LMAN1L: variants seen among roughly 807,000 people sequenced by gnomAD.
LMAN1L encodes the protein protein ERGIC-53-like.
Under a neutral mutation model 58.3 loss-of-function variants are expected in LMAN1L, and 60 were observed. That is an observed-to-expected ratio of 1.03 (90% CI 0.84 to 1.27). LMAN1L has a LOEUF of 1.27. LMAN1L is among the 50% of genes most tolerant of loss of function. LMAN1L has a pLI of 0.00. For synonymous variants in LMAN1L, 280 were observed against 271.6 expected, an observed-to-expected ratio of 1.03 and a Z score of -0.31; for missense variants, 629 against 674.0, an observed-to-expected ratio of 0.93 and a Z score of 0.74.
chr15:74,818,269 T>C (rs2063901192), intron 4 of LMAN1L, among the ~76,000 whole-genome samples: 3 of 152,118 alleles, frequency 2.0e-5, no homozygotes, highest in Admixed American at 2.0e-4. Context: ...AGACTCAAGC[T>C]AGACAAGGTA....
intron 11 of LMAN1L, among the ~76,000 whole-genome samples, chr15:74,822,937 A>G (rs1379691658): frequency 6.6e-6 from 1 of 152,228 alleles, no homozygotes; most frequent in Admixed American, 6.5e-5. Context: ...GAAGCCCATC[A>G]TGAAGGCCCC....
At chr15:74,814,239 G>T (rs2063879038) in intron 1 of LMAN1L, among the ~76,000 whole-genome samples, 1 of 151,546 alleles carries the variant, frequency 6.6e-6, no homozygotes, top group African/African-American at 2.4e-5. Flanking sequence ...TGTTGCCCAG[G>T]CTGGAGTGCA....
chr15:74,818,718 G>T lies in LMAN1L; in HGVS notation c.498G>T (p.Gly166=). 1 of 1,605,294 alleles carries T rather than the reference G, an allele frequency of 6.2e-7. No individual in the cohort carries two copies. The highest frequency in any genetic ancestry group is 8.5e-7 in the Non-Finnish European group (1 of 1,176,230). The part of the protein sequence containing the change: ...SDGHIPSEQP[G]DGASQGLGSC... ...AAACAAATGAACAAACTGCCCACAG[G>T]GATGGAGCTAGCCAAGGGCTGGGCT... The change falls in exon 5 of 14, where the codon GGG becomes GGT. Residue 166 remains glycine (G), a splice_region_variant and synonymous_variant. Transcript: ENST00000309664.
At chr15:74,821,592 C>T (rs1596379920) in intron 9 of LMAN1L, among the ~76,000 whole-genome samples, 1 of 152,224 alleles carries the variant, frequency 6.6e-6, no homozygotes, top group East Asian at 1.9e-4. Flanking sequence ...TGCCATCTGG[C>T]TCCTCCCCCA....
Position 74,823,656 on chromosome 15 carries a change from CT to C in LMAN1L, c.1298del (p.Leu433ArgfsTer43). Reference protein sequence around the residue: ...FLELDHILGLLQEELRGPAKA... With the variant: ...FLELDHILGLXQEELRGPAKA... Reference sequence around the variant, plus strand: ...AGAGCTGGACCACATCCTGGGCCTCCTGCAGGAGGAGCTTCGGGGCCCGGCG... The same window carrying C: ...AGAGCTGGACCACATCCTGGGCCTCCGCAGGAGGAGCTTCGGGGCCCGGCG... On this transcript the variant is annotated frameshift_variant, in exon 12 of 14. Transcript: ENST00000309664. LOFTEE classifies it high-confidence loss of function. 6.2e-7 allele frequency: 1 copy of C among 1,613,760 alleles called. No homozygotes were observed. The highest frequency in any genetic ancestry group is 8.5e-7 in the Non-Finnish European group (1 of 1,179,846).
At chr15:74,813,787 A>C (rs2063876682) in intron 1 of LMAN1L, among the ~76,000 whole-genome samples, 1 of 152,222 alleles carries the variant, frequency 6.6e-6, no homozygotes, top group African/African-American at 2.4e-5. Context: ...CTTAGCAGGC[A>C]AAGCAAAGAC....
chr15:74,820,475 G>C, intron 7 of LMAN1L, 160 bp from the exon 8 acceptor site: 2 of 903,792 alleles, frequency 2.2e-6, no homozygotes, highest in Non-Finnish European at 3.5e-6. Flanking sequence ...GAGGGAAGAT[G>C]GTGGGGATCT....
chr15:74,816,029 C>A (rs1038863420), intron 1 of LMAN1L, 128 bp from the exon 2 acceptor site: 19 of 1,201,036 alleles, frequency 1.6e-5, no homozygotes, highest in Non-Finnish European at 2.0e-5. Flanking sequence ...CCTGGCTGGC[C>A]GCTTATTTAA....
intron 1 of LMAN1L, chr15:74,813,497 C>T (rs2063875172): frequency 2.2e-6 from 1 of 456,892 alleles, no homozygotes; most frequent in Non-Finnish European, 4.4e-6. Flanking sequence ...GGCACCAGCC[C>T]TTCCCTGTAT....
At position 74,819,236 on chromosome 15, in the gene LMAN1L, T is replaced by C; in HGVS notation, c.682T>C (p.Phe228Leu). The C allele has an allele frequency of 6.2e-7, 1 of 1,614,144 alleles. No individual in the cohort carries two copies. The highest frequency in any genetic ancestry group is 2.2e-5 in the East Asian group (1 of 44,884). ...GCCCCTGCTTTTGGTCCCTGGAGGT[T>C]TCTTTGGGGTCTCAGCAGCCACCGG... ...VGPLLLVPGG[F>L]FGVSAATGTL... The change falls in exon 6 of 14, where the codon TTC (phenylalanine) becomes CTC (leucine). Residue 228 changes from phenylalanine (F) to leucine (L), a missense_variant. Phe to Leu is a conservative substitution (Grantham distance 22). Transcript: ENST00000309664.
At position 74,812,913 on chromosome 15, in the gene LMAN1L, C is replaced by T; in HGVS notation, c.59C>T (p.Pro20Leu). The T allele has an allele frequency of 6.2e-7, 1 of 1,613,798 alleles. No individual in the cohort carries two copies. Among genetic ancestry groups the T allele is most frequent in the Non-Finnish European group, 8.5e-7 (1 of 1,179,774 alleles). ...LFCLLLLLLD[P>L]HSPETGCPPL... is the part of the protein sequence containing the mutation. ...TGCCTTCTCCTCCTGCTCCTGGACCCCCACAGCCCTGAGACGGGGTGTCCT... is the reference window on the plus strand; with the variant it reads ...TGCCTTCTCCTCCTGCTCCTGGACCTCCACAGCCCTGAGACGGGGTGTCCT... Residue 20 changes from proline (P) to leucine (L), a missense_variant, in exon 1 of 14, where the codon CCC (proline) becomes CTC (leucine). Pro to Leu is a moderately conservative substitution (Grantham distance 98, BLOSUM62 -3). Coordinates refer to ENST00000309664, the MANE Select transcript of LMAN1L (RefSeq NM_021819.3).
At chr15:74,820,303 T>C (rs1325479577) in intron 7 of LMAN1L, 9 of 627,456 alleles carry the variant, frequency 1.4e-5, no homozygotes, top group African/African-American at 3.7e-5. Flanking sequence ...GGCTGTGACA[T>C]TACAGTTCAG....
intron 4 of LMAN1L, among the ~76,000 whole-genome samples, chr15:74,818,443 C>T (rs188079848): frequency 3.3e-4 from 50 of 152,258 alleles, no homozygotes; most frequent in Middle Eastern, 3.4e-3. Context: ...ACCTGTAATC[C>T]CAGCACTTTG....
chr15:74,819,565 G>A, intron 6 of LMAN1L: 2 of 523,874 alleles, frequency 3.8e-6, no homozygotes, highest in Non-Finnish European at 6.8e-6. Context: ...GCAAAGAAAT[G>A]TGACACCATG....
At chr15:74,823,300 A>T (rs1177942123) in intron 11 of LMAN1L, among the ~76,000 whole-genome samples, 5 of 152,118 alleles carry the variant, frequency 3.3e-5, no homozygotes, top group Non-Finnish European at 7.4e-5. Context: ...TTAAATCCCC[A>T]GGGGCTGGGA....
rs764757112 is a variant in LMAN1L, at chr15:74,823,671, CG to C, written c.1316del (p.Gly439AlafsTer37). 5 of 1,613,346 alleles carry C rather than the reference CG, an allele frequency of 3.1e-6. No homozygotes were observed. The East Asian group carries it at 1.1e-4, about 36-fold the overall frequency. On this transcript the variant is annotated frameshift_variant, in exon 12 of 14. Transcript: ENST00000309664. LOFTEE classifies it high-confidence loss of function. ...CCTGGGCCTCCTGCAGGAGGAGCTT[CG>C]GGGCCCGGCGGTGAGGGGAAAGTAG... is the stretch of plus-strand genomic sequence containing the variant. ...HILGLLQEEL[R>X]GPAKAAAKAP...
intron 10 of LMAN1L, among the ~76,000 whole-genome samples, chr15:74,822,109 T>C (rs1400536993): frequency 1.4e-5 from 2 of 138,352 alleles, no homozygotes; most frequent in Non-Finnish European, 2.9e-5. Context: ...GATCACGAGG[T>C]CAAAAGACTG....
chr15:74,823,039 T>G (rs1278703452), intron 11 of LMAN1L, among the ~76,000 whole-genome samples: 2 of 152,144 alleles, frequency 1.3e-5, no homozygotes, highest in East Asian at 3.9e-4. Context: ...TGGGGGCTCT[T>G]GGAGAGGGAG....
At chr15:74,823,326 G>A (rs953795963) in intron 11 of LMAN1L, among the ~76,000 whole-genome samples, 7 of 152,128 alleles carry the variant, frequency 4.6e-5, no homozygotes, top group African/African-American at 7.2e-5. Flanking sequence ...AGGCAGAGCC[G>A]GGGAGCCTGG....
Sources: allele counts gnomAD v4.1 joint callset (sites outside exome capture counted in the v4.1 genomes callset), GRCh38; gene constraint gnomAD v4.1.1; transcripts MANE v1.5; gene names NCBI Gene and HGNC (gene_info 2026-07-23, HGNC 2026-07-21).